Variants in ARHGAP32 observed in about 807,000 individuals in gnomAD.
The protein encoded by ARHGAP32 is Rho GTPase activating protein 32.
In ARHGAP32, 51 loss-of-function variants were observed where a neutral mutation model predicts 186.5. The ratio of observed to expected loss-of-function variants is 0.27; its 90% CI spans 0.22 to 0.35. The LOEUF is 0.35. ARHGAP32 is among the 10% of genes least tolerant of loss of function. The probability of loss-of-function intolerance (pLI) is 1.00; values close to 1 mark genes in which losing one functional copy is unlikely to be tolerated. For synonymous variants in ARHGAP32, 950 were observed against 964.3 expected (o/e 0.99, Z 0.27); for missense variants, 2,186 against 2,623.5 (o/e 0.83, Z 3.64).
intron 11 of ARHGAP32, among the ~76,000 whole-genome samples, chr11:128,998,767 A>G (rs1267029581): frequency 6.6e-6 from 1 of 152,198 alleles, no homozygotes; most frequent in Non-Finnish European, 1.5e-5. Flanking sequence ...AGTTCCCCAA[A>G]TTAATACTTT....
chr11:129,172,968 G>A (rs1172060839), intron 1 of ARHGAP32, among the ~76,000 whole-genome samples: 5 of 136,220 alleles, frequency 3.7e-5, no homozygotes, highest in Non-Finnish European at 7.8e-5. Flanking sequence ...AGGAGATAGA[G>A]ACATGAAAAA....
At chr11:129,144,887 G>C (rs943813490) in intron 2 of ARHGAP32, among the ~76,000 whole-genome samples, 1 of 152,044 alleles carries the variant, frequency 6.6e-6, no homozygotes, top group Non-Finnish European at 1.5e-5. Context: ...ATTCGGAGGC[G>C]ATATTTAAAA....
In ARHGAP32 at chr11:129,124,792, G is replaced by A. The variant is rs1181179444; in HGVS notation, c.317+11C>T. ...GAATTCATTTAGAATCCACTGTAAA[G>A]TTATACTCACTTTTTCACATGCTTA... On this transcript the variant is annotated intron_variant, in intron 3 of 22. Coordinates refer to ENST00000682385, the MANE Select transcript of ARHGAP32 (RefSeq NM_001378024.1). 6.3e-7 allele frequency: 1 copy of A among 1,581,648 alleles called. No homozygotes were observed. The highest frequency in any genetic ancestry group is 8.6e-7 in the Non-Finnish European group (1 of 1,161,558).
At chr11:129,193,681 AAT>A (rs1170578675), upstream of ARHGAP32, among the ~76,000 whole-genome samples, 10 of 45,688 alleles carry the variant, frequency 2.2e-4, no homozygotes, top group African/African-American at 7.9e-4. Flanking sequence ...TATAATATAT[AAT>A]ATATATTATA....
intron 1 of ARHGAP32, among the ~76,000 whole-genome samples, chr11:129,239,011 T>C (rs903227221): frequency 6.6e-6 from 1 of 151,960 alleles, no homozygotes; most frequent in African/African-American, 2.4e-5. Flanking sequence ...ATTTTGTTTA[T>C]TATTTATAGA....
intron 2 of ARHGAP32, among the ~76,000 whole-genome samples, chr11:129,157,793 T>C (rs1034420576): frequency 3.3e-5 from 5 of 151,234 alleles, no homozygotes; most frequent in Admixed American, 6.6e-5. Flanking sequence ...TACACCAAGG[T>C]TGAAATAAAG....
chr11:129,227,989 C>A (rs540563347), intron 1 of ARHGAP32, among the ~76,000 whole-genome samples: 6 of 151,994 alleles, frequency 3.9e-5, no homozygotes, highest in Non-Finnish European at 8.8e-5. Flanking sequence ...GGTCATAAAA[C>A]CAATCTTGAT....
At chr11:129,037,528 A>ATGTTTTG (rs1408938194) in intron 11 of ARHGAP32, among the ~76,000 whole-genome samples, 9 of 151,950 alleles carry the variant, frequency 5.9e-5, no homozygotes, top group Non-Finnish European at 1.0e-4. Flanking sequence ...AAGAATATCT[A>ATGTTTTG]AATAAATGAA....
chr11:129,162,032 A>T (rs548974923), intron 2 of ARHGAP32, among the ~76,000 whole-genome samples: 1 of 152,332 alleles, frequency 6.6e-6, no homozygotes, highest in African/African-American at 2.4e-5. Context: ...CATTCTCAGC[A>T]AACTAACACA....
intron 2 of ARHGAP32, among the ~76,000 whole-genome samples, chr11:129,154,443 C>T (rs868357632): frequency 6.6e-6 from 1 of 152,116 alleles, no homozygotes; most frequent in African/African-American, 2.4e-5. Flanking sequence ...ATGTTTATTG[C>T]AGCACAATTT....
chr11:128,975,079 C>T, intron 20 of ARHGAP32, 77 bp from the exon 21 acceptor site: 1 of 1,197,044 alleles, frequency 8.4e-7, no homozygotes, highest in Admixed American at 2.3e-5. Context: ...CTACTCAGCA[C>T]AGCAGTAACT....
At chr11:129,117,019 C>A (rs1418683725) in intron 5 of ARHGAP32, among the ~76,000 whole-genome samples, 1 of 151,858 alleles carries the variant, frequency 6.6e-6, no homozygotes, top group Non-Finnish European at 1.5e-5. Context: ...TACTTAAGAT[C>A]ACAATGGAAA....
At chr11:129,102,257 A>G (rs1256880355) in intron 5 of ARHGAP32, among the ~76,000 whole-genome samples, 1 of 152,218 alleles carries the variant, frequency 6.6e-6, no homozygotes, top group East Asian at 1.9e-4. Context: ...ACACTGAAAT[A>G]AGCAGACCAA....
intron 1 of ARHGAP32, among the ~76,000 whole-genome samples, chr11:129,178,286 TAA>T (rs1240952018): frequency 6.6e-6 from 1 of 151,784 alleles, no homozygotes; most frequent in Non-Finnish European, 1.5e-5. Context: ...CTCAAGGAAA[TAA>T]AAGAGGATAC....
rs768896625 is a variant in ARHGAP32, at chr11:128,972,598, G to A, written c.3908C>T (p.Ala1303Val). 1.2e-6 allele frequency: 2 copies of A among 1,606,406 alleles called. No homozygotes were observed. Among genetic ancestry groups the A allele is most frequent in the Non-Finnish European group, 1.7e-6 (2 of 1,175,162 alleles). Reference sequence around the variant, plus strand: ...CTGAAGTGTGGCAGCAGCAAAATCAGCAGTGGTGGGTTGTTCAGCCACATC... The same window carrying A: ...CTGAAGTGTGGCAGCAGCAAAATCAACAGTGGTGGGTTGTTCAGCCACATC... ...SWDVAEQPTT[A>V]DFAAATLQRT... The change falls in exon 22 of 23, where the codon GCT becomes GTT. Residue 1303 changes from alanine (A) to valine (V), a missense_variant. Around this residue, in one of 5 missense-constraint regions of ARHGAP32, gnomAD observed 1,502 missense variants for 1,570.0 expected, o/e 0.96. Transcript: ENST00000682385.
At chr11:129,088,994 T>C (rs1455781642) in intron 6 of ARHGAP32, among the ~76,000 whole-genome samples, 6 of 65,584 alleles carry the variant, frequency 9.1e-5, no homozygotes, top group Non-Finnish European at 1.3e-4. Context: ...AGAGACCTTG[T>C]CAAAAAAAAA....
chr11:129,193,576 ATATATTATATAATATATG>A (rs1944322206), upstream of ARHGAP32, among the ~76,000 whole-genome samples: 1 of 1,918 alleles, frequency 5.2e-4, no homozygotes, highest in African/African-American at 4.8e-3. Context: ...TATAATATAT[ATATATTATATAATATATG>A]TTATATATAA....
chr11:129,141,202 A>G (rs1215241307), intron 2 of ARHGAP32, among the ~76,000 whole-genome samples: 1 of 152,192 alleles, frequency 6.6e-6, no homozygotes, highest in Non-Finnish European at 1.5e-5. Context: ...TCCCAAAGCA[A>G]TATTCTTTGA....
At chr11:129,053,053 T>C (rs1424628151) in intron 10 of ARHGAP32, among the ~76,000 whole-genome samples, 1 of 152,064 alleles carries the variant, frequency 6.6e-6, no homozygotes, top group African/African-American at 2.4e-5. Context: ...ATTGTGCACA[T>C]GTACCCTAGA....
Sources: allele counts gnomAD v4.1 joint callset (sites outside exome capture counted in the v4.1 genomes callset), GRCh38; gene constraint gnomAD v4.1.1; regional missense constraint gnomAD v4.1.1; transcripts MANE v1.5; gene names NCBI Gene and HGNC (gene_info 2026-07-23, HGNC 2026-07-21).